Variants in FBXO31 observed in about 807,000 individuals in gnomAD.
The protein encoded by FBXO31 is F-box protein 31.
FBXO31 carries 24 observed loss-of-function variants against 54.4 expected under a neutral mutation model. The observed-to-expected ratio is 0.44, with a 90% CI of 0.32 to 0.62. FBXO31 has a LOEUF of 0.62. Among genes scored for constraint, FBXO31 ranks in the 20% least tolerant of loss-of-function variants. FBXO31 has a pLI of 0.05. For synonymous variants in FBXO31, 388 were observed against 335.6 expected (o/e 1.16, Z -1.71); for missense variants, 665 against 787.1 (o/e 0.84, Z 1.86).
chr16:87,380,577 T>C (rs1907034392), intron 1 of FBXO31, among the ~76,000 whole-genome samples: 1 of 152,120 alleles, frequency 6.6e-6, no homozygotes, highest in East Asian at 1.9e-4. Context: ...TTTGTAGAGA[T>C]GGGTTTTACC....
At position 87,330,940 on chromosome 16, in the gene FBXO31, G is replaced by A. The variant is rs901226047; in HGVS notation, c.*348C>T. The stretch of plus-strand genomic sequence containing the variant: ...CGCTCACAGGAAGAGCACCAGTCAG[G>A]AGGGTCCTGCTTCCCGAGAAAACCA... On this transcript the variant is annotated 3_prime_UTR_variant, in exon 9 of 9. Coordinates refer to ENST00000311635, the MANE Select transcript of FBXO31 (RefSeq NM_024735.5). 1 of 284,566 alleles carries A rather than the reference G, an allele frequency of 3.5e-6. No individual in the cohort carries two copies. Among genetic ancestry groups the A allele is most frequent in the Non-Finnish European group, 6.9e-6 (1 of 145,490 alleles). The allele number at this position is 284,566 out of a possible 1,614,324, so 17.6% of individuals were successfully genotyped here. A position where few individuals can be genotyped will look rare whatever the true frequency, so the allele number is the denominator to read the frequency against.
At position 87,345,547 on chromosome 16, in the gene FBXO31, G is replaced by C. The variant is rs1905348716; in HGVS notation, c.489+1627C>G. ...AATTGGCAGGTGACCGAGAAACACA[G>C]AAACTAAAACTACAAGCAGACATCT... On this transcript the variant is annotated intron_variant, in intron 3 of 8. Coordinates refer to ENST00000311635, the MANE Select transcript of FBXO31 (RefSeq NM_024735.5). This position sits in a 1 kb window ranked among gnomAD's most constrained non-coding sequence, Gnocchi z 4.9. Among the ~76,000 whole-genome samples, 1 of 152,146 alleles carries C rather than the reference G, an allele frequency of 6.6e-6. No individual in the cohort carries two copies. The highest frequency in any genetic ancestry group is 6.5e-5 in the Admixed American group (1 of 15,280).
At chr16:87,355,936 T>C (rs1377277255) in intron 2 of FBXO31, among the ~76,000 whole-genome samples, 4 of 152,162 alleles carry the variant, frequency 2.6e-5, no homozygotes, top group African/African-American at 9.6e-5. Context: ...TCCAGAGAAA[T>C]AGTGAGACAG....
At chr16:87,367,157 G>A (rs769729958) in intron 1 of FBXO31, 4 of 152,326 alleles carry the variant, frequency 2.6e-5, no homozygotes, top group Non-Finnish European at 5.9e-5. Context: ...GCAACACAGT[G>A]AGACCCTGTC....
At chr16:87,385,763 C>T (rs186663456), upstream of FBXO31, among the ~76,000 whole-genome samples, 4 of 152,274 alleles carry the variant, frequency 2.6e-5, no homozygotes, top group Non-Finnish European at 5.9e-5. Flanking sequence ...AATCCCAGAA[C>T]TTTGGGAGGC....
chr16:87,363,216 C>T (rs941303110), intron 1 of FBXO31, among the ~76,000 whole-genome samples: 1 of 152,120 alleles, frequency 6.6e-6, no homozygotes, highest in African/African-American at 2.4e-5. Flanking sequence ...GAAACCCCGT[C>T]TCTACTGAAA....
chr16:87,327,606 T>A lies in FBXO31; in HGVS notation c.*3682A>T, dbSNP rs532431741. ...AGTAGGTTGAGGCCTCAGGGAGCCA[T>A]GATCGCCGCTCTGCACTCCAGCCCA... On this transcript the variant is annotated 3_prime_UTR_variant, in exon 9 of 9. Transcript: ENST00000311635. The A allele has an allele frequency of 6.6e-6, 1 of 152,146 alleles. No homozygotes were observed. 9.4% of individuals were successfully genotyped at this position (152,146 alleles called of 1,614,324 possible). A position where few individuals can be genotyped will look rare whatever the true frequency, so the allele number is the denominator to read the frequency against.
At chr16:87,391,012 C>T (rs1039753625), upstream of FBXO31, among the ~76,000 whole-genome samples, 1 of 152,238 alleles carries the variant, frequency 6.6e-6, no homozygotes, top group Admixed American at 6.5e-5. Context: ...AGGAGAAATC[C>T]TGGAACTATG....
chr16:87,375,565 G>C lies in FBXO31; in HGVS notation c.340+7840C>G, dbSNP rs573492967. On this transcript the variant is annotated intron_variant, in intron 1 of 8. Coordinates refer to ENST00000311635, the MANE Select transcript of FBXO31 (RefSeq NM_024735.5). The stretch of plus-strand genomic sequence containing the variant: ...CATTTCACAACACATCAACTAAAAG[G>C]GCAACGACTAACCAAAACAAGCCCA... Among the ~76,000 whole-genome samples the C allele has an allele frequency of 3.9e-5, 6 of 152,196 alleles. No homozygotes were observed. The East Asian group carries it at 1.2e-3, about 29-fold the overall frequency.
At chr16:87,334,663 C>A (rs995276744) in intron 7 of FBXO31, among the ~76,000 whole-genome samples, 4 of 152,278 alleles carry the variant, frequency 2.6e-5, no homozygotes, top group Admixed American at 2.6e-4. Context: ...GGAGCCAAAA[C>A]TCTGGGGTCC....
chr16:87,370,099 T>C (rs1780541707), intron 1 of FBXO31, among the ~76,000 whole-genome samples: 1 of 152,196 alleles, frequency 6.6e-6, no homozygotes, highest in African/African-American at 2.4e-5. Context: ...GGCCTGCATC[T>C]AGTCCATCTC....
At chr16:87,382,654 C>T (rs890603974) in intron 1 of FBXO31, among the ~76,000 whole-genome samples, 4 of 152,200 alleles carry the variant, frequency 2.6e-5, no homozygotes, top group African/African-American at 9.6e-5. Context: ...TTGTTTGAGA[C>T]CAAGTCGCAC....
rs543411952 is a variant in FBXO31 at position 87,355,185 on chromosome 16, C to T, written c.412+5110G>A. ...CCAGCCTGGGCAATAAAGCAAGACC[C>T]CCATCTCTATCATAAAATAAAATAA... On this transcript the variant is annotated intron_variant, in intron 2 of 8. Transcript: ENST00000311635. Among the ~76,000 whole-genome samples, 4 of 152,264 alleles carry T rather than the reference C, an allele frequency of 2.6e-5. No homozygotes were observed. The East Asian group carries it at 7.7e-4, about 29-fold the overall frequency.
chr16:87,347,037 G>A (rs1379033644), intron 3 of FBXO31, 137 bp downstream of exon 3: 2 of 779,632 alleles, frequency 2.6e-6, no homozygotes, highest in Non-Finnish European at 4.5e-6. Flanking sequence ...AAGTGACAGA[G>A]CAAGAATTTT....
intron 3 of FBXO31, 80 bp downstream of exon 3, chr16:87,347,094 A>T: frequency 8.0e-7 from 1 of 1,250,464 alleles, no homozygotes; most frequent in Non-Finnish European, 1.2e-6. Flanking sequence ...GTACCCAGGT[A>T]GAAGAGGCCC....
chr16:87,338,940 A>G lies in FBXO31; in HGVS notation c.733-2676T>C, dbSNP rs898215708. ...TTCCATGCTGCTCTCATGATAGTGA[A>G]TAAGTCTCACGAGATGCAATGGTTT... On this transcript the variant is annotated intron_variant, in intron 5 of 8. Coordinates refer to ENST00000311635, the MANE Select transcript of FBXO31 (RefSeq NM_024735.5). This position sits in a 1 kb window ranked among gnomAD's most constrained non-coding sequence, Gnocchi z 4.3. Among the ~76,000 whole-genome samples the G allele has an allele frequency of 3.3e-5, 5 of 152,154 alleles. No individual in the cohort carries two copies. The highest frequency in any genetic ancestry group is 1.3e-4 in the Admixed American group (2 of 15,276).
chr16:87,357,991 C>T (rs966158633), intron 2 of FBXO31, among the ~76,000 whole-genome samples: 1 of 151,782 alleles, frequency 6.6e-6, no homozygotes, highest in African/African-American at 2.4e-5. Context: ...ATTTTTAATT[C>T]ACATAGGCTA....
Position 87,383,364 on chromosome 16 carries a change from A to ACCCCCCCCC in FBXO31, c.340+40_340+41insGGGGGGGGG. 1 of 1,329,444 alleles carries ACCCCCCCCC rather than the reference A, an allele frequency of 7.5e-7. No homozygotes were observed. Among genetic ancestry groups the ACCCCCCCCC allele is most frequent in the Non-Finnish European group, 1.0e-6 (1 of 975,774 alleles). The allele number at this position is 1,329,444 out of a possible 1,614,324, so 82.4% of individuals were successfully genotyped here. ...GCTCCGAGGCCTCCACCTGGCAGGG[A>ACCCCCCCCC]CCCCCCGCCCCTCCCGGCCCCGCCA... On this transcript the variant is annotated intron_variant, in intron 1 of 8. Coordinates refer to ENST00000311635, the MANE Select transcript of FBXO31 (RefSeq NM_024735.5). The surrounding 1 kb of genome is among the most constrained non-coding windows in gnomAD (Gnocchi z 4.9).
rs755785643 is a variant in FBXO31, at chr16:87,352,173, A to ATAAT, written c.413-4927_413-4924dup. Among the ~76,000 whole-genome samples, 7 of 152,330 alleles carry ATAAT rather than the reference A, an allele frequency of 4.6e-5. No homozygotes were observed. The South Asian group carries it at 1.5e-3, about 32-fold the overall frequency. ...ACATCACACTGTGCCCCATAAAGAC[A>ATAAT]TAATATACACAATTATTATCTGTCA... On this transcript the variant is annotated intron_variant, in intron 2 of 8. Coordinates refer to ENST00000311635, the MANE Select transcript of FBXO31 (RefSeq NM_024735.5).
Sources: gnomAD v4.1 joint callset for allele counts (sites outside exome capture counted in the v4.1 genomes callset) on GRCh38, gnomAD v4.1.1 for gene constraint, Gnocchi (gnomAD v3.1) non-coding constraint, MANE v1.5 for transcripts, NCBI Gene and HGNC (gene_info 2026-07-23, HGNC 2026-07-21) for gene names.